The following TGFBR3 variants were observed in gnomAD, a reference collection of about 807,000 sequenced individuals.
The protein encoded by TGFBR3 is transforming growth factor beta receptor type 3.
In TGFBR3, 46 loss-of-function variants were observed where a neutral mutation model predicts 87.9. That is an observed-to-expected ratio of 0.52 (90% CI 0.41 to 0.67). The LOEUF is 0.67. TGFBR3 is among the 30% of genes least tolerant of loss of function. The pLI is 0.00. For synonymous variants in TGFBR3, 381 were observed against 391.6 expected (o/e 0.97, Z 0.32); for missense variants, 866 against 1,041.9 (o/e 0.83, Z 2.32).
chr1:91,729,798 CACTT>C lies in TGFBR3; in HGVS notation c.737+3_737+6del. 2 of 1,614,156 alleles carry C rather than the reference CACTT, an allele frequency of 1.2e-6. No individual in the cohort carries two copies. The highest frequency in any genetic ancestry group is 1.7e-6 in the Non-Finnish European group (2 of 1,180,010). ...CTTGTCACACTCACACACTTAGACT[CACTT>C]ACCTGTAGGGGTTAGAGTTGGGGGT... On this transcript the variant is annotated splice_donor_5th_base_variant and intron_variant, in intron 6 of 16. Coordinates refer to ENST00000212355, the MANE Select transcript of TGFBR3 (RefSeq NM_003243.5).
chr1:91,885,744 G>A (rs1679273285), intron 1 of TGFBR3, 134 bp downstream of exon 1: 1 of 188,688 alleles, frequency 5.3e-6, no homozygotes, highest in Non-Finnish European at 1.1e-5. Context: ...AAGGCCGGAG[G>A]TCCTGGCGGC....
intron 4 of TGFBR3, among the ~76,000 whole-genome samples, chr1:91,750,230 G>T (rs1473754593): frequency 6.6e-6 from 1 of 152,130 alleles, no homozygotes; most frequent in Non-Finnish European, 1.5e-5. Context: ...ATCTCCCAGG[G>T]GCCACGGGCC....
chr1:91,791,387 C>A (rs1325371488), intron 3 of TGFBR3, among the ~76,000 whole-genome samples: 1 of 151,970 alleles, frequency 6.6e-6, no homozygotes, highest in African/African-American at 2.4e-5. Flanking sequence ...CTCAGCCCTG[C>A]ATTTTATAAT....
chr1:91,838,497 C>T (rs1314152403), intron 2 of TGFBR3, among the ~76,000 whole-genome samples: 1 of 145,286 alleles, frequency 6.9e-6, no homozygotes, highest in Non-Finnish European at 1.5e-5. Flanking sequence ...CTCGCCCTGT[C>T]GCCCAGGCTG....
At chr1:91,683,909 G>A in intron 16 of TGFBR3, 52 bp from the exon 17 acceptor site, 1 of 1,459,408 alleles carries the variant, frequency 6.9e-7, no homozygotes, top group Non-Finnish European at 9.4e-7. Context: ...TATTATGTAT[G>A]TGCATTCCTG....
rs777093311 is a variant in TGFBR3 at position 91,708,706 on chromosome 1, G to A, written c.2244C>T (p.Phe748=). ...IWAMMQNKKT[F]TKPLAVIHHE... ...GGTGGATCACAGCAAGGGGCTTAGT[G>A]AACGTCTTCTTATTCTGCATCATGG... is the stretch of plus-strand genomic sequence containing the variant. The change falls in exon 14 of 17, where the codon TTC becomes TTT. Residue 748 remains phenylalanine, a synonymous_variant. Coordinates refer to ENST00000212355, the MANE Select transcript of TGFBR3 (RefSeq NM_003243.5). 2 of 1,614,060 alleles carry A rather than the reference G, an allele frequency of 1.2e-6. No individual in the cohort carries two copies. The highest frequency in any genetic ancestry group is 3.3e-5 in the Admixed American group (2 of 60,020).
chr1:91,695,619 G>T (rs1470856163), intron 16 of TGFBR3, 53 bp downstream of exon 16: 25 of 1,351,624 alleles, frequency 1.8e-5, no homozygotes, highest in Non-Finnish European at 1.9e-5. Context: ...AGTGTCTATT[G>T]TGTGGCAGGA....
chr1:91,897,964 G>A (rs555966041), intron 2 of TGFBR3, among the ~76,000 whole-genome samples: 7 of 151,704 alleles, frequency 4.6e-5, no homozygotes, highest in African/African-American at 1.7e-4. Context: ...GAGGCAGGAA[G>A]ATTGCTTGAG....
chr1:91,787,156 C>G (rs1051984103), intron 3 of TGFBR3, among the ~76,000 whole-genome samples: 3 of 152,094 alleles, frequency 2.0e-5, no homozygotes, highest in Admixed American at 2.0e-4. Context: ...CAAAAATTAG[C>G]TGGGCGTGGT....
At chr1:91,773,683 A>G (rs941702800) in intron 3 of TGFBR3, among the ~76,000 whole-genome samples, 1 of 152,248 alleles carries the variant, frequency 6.6e-6, no homozygotes, top group African/African-American at 2.4e-5. Flanking sequence ...CTCCATCTCA[A>G]AAAACAAAAG....
At chr1:91,824,580 G>A (rs1428445124) in intron 2 of TGFBR3, among the ~76,000 whole-genome samples, 2 of 152,160 alleles carry the variant, frequency 1.3e-5, no homozygotes, top group Non-Finnish European at 2.9e-5. Context: ...CACCCACTAG[G>A]ATGACTAATT....
At chr1:91,761,126 C>T (rs572114709) in intron 3 of TGFBR3, among the ~76,000 whole-genome samples, 2 of 152,348 alleles carry the variant, frequency 1.3e-5, no homozygotes, top group South Asian at 4.1e-4. Context: ...GCATACAATT[C>T]TTCTTAGAGC....
chr1:91,882,138 CTTT>C (rs533806602), intron 1 of TGFBR3, among the ~76,000 whole-genome samples: 6 of 129,582 alleles, frequency 4.6e-5, no homozygotes, highest in Admixed American at 1.5e-4. Flanking sequence ...AATTGAAAAC[CTTT>C]TTTTTTTTTT....
intron 7 of TGFBR3, among the ~76,000 whole-genome samples, chr1:91,723,214 C>G (rs1542703): frequency 0.29 from 43,306 of 151,944 alleles, 6,376 homozygotes; most frequent in Middle Eastern, 0.38. Context: ...GGGTGCAATA[C>G]TTCACACCTA....
chr1:91,687,743 G>A (rs1023352469), intron 16 of TGFBR3, among the ~76,000 whole-genome samples: 9 of 152,192 alleles, frequency 5.9e-5, no homozygotes, highest in South Asian at 4.1e-4. Flanking sequence ...ATTTAGATCA[G>A]ATAGAAAAGA....
At chr1:91,843,345 A>C (rs1677360208) in intron 2 of TGFBR3, among the ~76,000 whole-genome samples, 1 of 152,182 alleles carries the variant, frequency 6.6e-6, no homozygotes, top group Admixed American at 6.5e-5. Context: ...GACTGTATCC[A>C]TGTGAGGATA....
chr1:91,862,597 A>C (rs921653843), intron 1 of TGFBR3, among the ~76,000 whole-genome samples: 4 of 152,134 alleles, frequency 2.6e-5, no homozygotes, highest in Admixed American at 6.5e-5. Context: ...GCCTAACTTG[A>C]ATATTCCTCA....
At chr1:91,752,903 T>TG (rs1673600837) in intron 4 of TGFBR3, among the ~76,000 whole-genome samples, 2 of 151,306 alleles carry the variant, frequency 1.3e-5, no homozygotes, top group South Asian at 4.2e-4. Context: ...GGTACATGCC[T>TG]GTAATCCCAG....
At chr1:91,880,949 T>A (rs531069631) in intron 1 of TGFBR3, among the ~76,000 whole-genome samples, 200 of 151,172 alleles carry the variant, frequency 1.3e-3, no homozygotes, top group African/African-American at 3.8e-3. Flanking sequence ...AGTATATAAA[T>A]AAAAATAAAA....
Sources: allele counts gnomAD v4.1 joint callset (sites outside exome capture counted in the v4.1 genomes callset), GRCh38; gene constraint gnomAD v4.1.1; transcripts MANE v1.5; gene names NCBI Gene and HGNC (gene_info 2026-07-23, HGNC 2026-07-21).